ASB14: variants seen among roughly 807,000 people sequenced by gnomAD.
ASB14 encodes ankyrin repeat and SOCS box containing 14, also known as ankyrin repeat and SOCS box protein 14.
A neutral mutation model predicts 55.6 loss-of-function variants in ASB14; 63 were observed. The ratio of observed to expected loss-of-function variants is 1.13; its 90% CI spans 0.92 to 1.40. The LOEUF (loss-of-function observed/expected upper bound fraction) is 1.40. Ranked by LOEUF, ASB14 falls within the 40% of genes most tolerant of loss-of-function variation. The pLI, the probability that ASB14 is intolerant of heterozygous loss-of-function variation, is 0.00. For synonymous variants in ASB14, 256 were observed against 259.9 expected (o/e 0.98, Z 0.15); for missense variants, 724 against 710.4 (o/e 1.02, Z -0.22).
intron 10 of ASB14, chr3:57,271,069 A>C (rs879670077): frequency 6.6e-6 from 1 of 152,306 alleles, no homozygotes; most frequent in Non-Finnish European, 1.5e-5. Flanking sequence ...ACATAGTCAC[A>C]CATTTACAAA....
intron 10 of ASB14, chr3:57,270,383 T>C (rs902035523): frequency 1.3e-5 from 2 of 152,650 alleles, no homozygotes; most frequent in Non-Finnish European, 2.9e-5. Context: ...ATCACATTCT[T>C]AGTTCTCAGG....
At chr3:57,284,088 C>CTGTGTGTGTGTGTGTGTG (rs1181255575) in intron 5 of ASB14, among the ~76,000 whole-genome samples, 194 of 41,292 alleles carry the variant, frequency 4.7e-3, no homozygotes, top group African/African-American at 0.01. Context: ...CTTGGGAACA[C>CTGTGTGTGTGTGTGTGTG]TGTGTATGTG....
chr3:57,279,283 T>A (rs1250474356), intron 7 of ASB14, among the ~76,000 whole-genome samples: 61 of 144,244 alleles, frequency 4.2e-4, no homozygotes, highest in Non-Finnish European at 3.6e-4. Flanking sequence ...TTTTTTTTTT[T>A]TTTTTTTTTG....
intron 5 of ASB14, among the ~76,000 whole-genome samples, chr3:57,286,034 A>AT (rs1468266864): frequency 2.0e-5 from 3 of 152,298 alleles, no homozygotes; most frequent in African/African-American, 7.2e-5. Flanking sequence ...TATGTCTTTA[A>AT]TCTACTGTCA....
chr3:57,284,676 A>G (rs986506941), intron 5 of ASB14, among the ~76,000 whole-genome samples: 2 of 152,190 alleles, frequency 1.3e-5, no homozygotes, highest in African/African-American at 2.4e-5. Flanking sequence ...CGGTTTTTAC[A>G]TATGTGATTT....
At chr3:57,285,475 CT>C (rs921931778) in intron 5 of ASB14, among the ~76,000 whole-genome samples, 2 of 152,054 alleles carry the variant, frequency 1.3e-5, no homozygotes, top group Non-Finnish European at 2.9e-5. Flanking sequence ...GAGGATTTAA[CT>C]TTTTTTCCTC....
intron 5 of ASB14, among the ~76,000 whole-genome samples, chr3:57,284,088 C>CTATGTA (rs1553640077): frequency 7.3e-5 from 3 of 41,366 alleles, no homozygotes; most frequent in African/African-American, 2.0e-4. Flanking sequence ...CTTGGGAACA[C>CTATGTA]TGTGTATGTG....
At chr3:57,273,291 T>C (rs1034244817) in intron 10 of ASB14, 5 of 152,654 alleles carry the variant, frequency 3.3e-5, no homozygotes, top group Non-Finnish European at 4.4e-5. Flanking sequence ...CACTTTAGAA[T>C]TGGATTTGAA....
chr3:57,269,863 CT>C (rs1474131947), intron 10 of ASB14: 9 of 687,996 alleles, frequency 1.3e-5, no homozygotes, highest in African/African-American at 5.4e-5. Flanking sequence ...TTGCATTGAT[CT>C]TTTTTCCCCC....
At chr3:57,282,014 T>C (rs2061044235) in intron 6 of ASB14, among the ~76,000 whole-genome samples, 1 of 152,226 alleles carries the variant, frequency 6.6e-6, no homozygotes, top group Non-Finnish European at 1.5e-5. Context: ...CATCTGTTGC[T>C]TCTTTCTCTG....
At position 57,268,636 on chromosome 3, in the gene ASB14, G is replaced by A. The variant is rs989775932; in HGVS notation, c.*1005C>T. ...AGATGATTCATACCATAGCAGAAAA[G>A]GGTCACATCTGTTTTTTGATATGAT... On this transcript the variant is annotated 3_prime_UTR_variant, in exon 11 of 11. Transcript: ENST00000487349. The A allele has an allele frequency of 9.7e-6, 8 of 826,514 alleles. No individual in the cohort carries two copies. The highest frequency in any genetic ancestry group is 1.4e-5 in the Non-Finnish European group (8 of 583,370). 51.2% of individuals were successfully genotyped at this position (826,514 alleles called of 1,614,324 possible). A position where few individuals can be genotyped will look rare whatever the true frequency, so the allele number is the denominator to read the frequency against.
At chr3:57,279,264 C>CTTTTTTTTTTT (rs869152915) in intron 7 of ASB14, among the ~76,000 whole-genome samples, 4 of 88,080 alleles carry the variant, frequency 4.5e-5, no homozygotes, top group African/African-American at 4.4e-5. Flanking sequence ...AAGAGTTTTT[C>CTTTTTTTTTTT]TTTTTTTTTT....
Position 57,277,861 on chromosome 3 carries a change from C to T in ASB14, c.1491G>A (p.Val497=), listed in dbSNP as rs753205854. The part of the protein sequence containing the change: ...LQHLSGKVVR[V]MLDYVDQVRI... ...GAACTTGATCAACATAATCAAGCAT[C>T]ACTCGAACAACCTTTCCAGAGAGAT... The change falls in exon 9 of 11, where the codon GTG becomes GTA. Residue 497 remains valine (V), a synonymous_variant. Transcript: ENST00000487349. 7.4e-6 allele frequency: 12 copies of T among 1,613,778 alleles called. No individual in the cohort carries two copies. The highest frequency in any genetic ancestry group is 1.6e-4 in the Middle Eastern group (1 of 6,082).
At chr3:57,285,974 A>G (rs188591966) in intron 5 of ASB14, among the ~76,000 whole-genome samples, 9 of 152,360 alleles carry the variant, frequency 5.9e-5, no homozygotes, top group Admixed American at 5.2e-4. Flanking sequence ...GCTTCCTAAC[A>G]GTAGGGAACA....
rs560806810 is a variant in ASB14 at position 57,274,445 on chromosome 3, G to A, written c.*22+2083C>T. Among the ~76,000 whole-genome samples, 3 of 152,340 alleles carry A rather than the reference G, an allele frequency of 2.0e-5. No homozygotes were observed. In the East Asian group the frequency reaches 5.8e-4, roughly 29 times the overall value. ...TGCCTGTAATCCCAGCACTTTGGGA[G>A]GCCAAGGCAGGCAGATCACTTAAGG... is the stretch of plus-strand genomic sequence containing the variant. On this transcript the variant is annotated intron_variant, in intron 10 of 10. Transcript: ENST00000487349.
chr3:57,272,039 T>C (rs1354937883), intron 10 of ASB14: 2 of 152,340 alleles, frequency 1.3e-5, no homozygotes, highest in East Asian at 3.9e-4. Context: ...TCCCTTCTAG[T>C]TCTGAGATGC....
Position 57,276,703 on chromosome 3 carries a change from C to T in ASB14, c.1611G>A (p.Leu537=), listed in dbSNP as rs751276157. 3.1e-6 allele frequency: 5 copies of T among 1,613,292 alleles called. No individual in the cohort carries two copies. The highest frequency in any genetic ancestry group is 4.2e-6 in the Non-Finnish European group (5 of 1,179,742). ...TGCATTTCCGGATCTTTAGGCGGCA[C>T]AAATGTTTTAGGGAGCGAGGGTTTG... ...ILTNPRSLKH[L]CRLKIRKCMG... Residue 537 remains leucine (L), a synonymous_variant, in exon 10 of 11, where the codon TTG becomes TTA. Coordinates refer to ENST00000487349, the MANE Select transcript of ASB14 (RefSeq NM_001142733.3).
chr3:57,283,479 GTTAA>G (rs2061055150), intron 5 of ASB14, 40 bp from the exon 6 acceptor site: 1 of 1,533,116 alleles, frequency 6.5e-7, no homozygotes, highest in East Asian at 2.5e-5. Flanking sequence ...TCAACGGGAA[GTTAA>G]GCCCAAAGTA....
intron 7 of ASB14, 60 bp downstream of exon 7, chr3:57,280,242 A>G: frequency 8.7e-7 from 1 of 1,154,076 alleles, no homozygotes; most frequent in African/African-American, 1.6e-5. Context: ...TAGAAGCAGC[A>G]CAAAATAAAA....
Sources: gnomAD v4.1 joint callset for allele counts (sites outside exome capture counted in the v4.1 genomes callset) on GRCh38, gnomAD v4.1.1 for gene constraint, MANE v1.5 for transcripts, NCBI Gene and HGNC (gene_info 2026-07-23, HGNC 2026-07-21) for gene names.